Variants in DENND1A observed in about 807,000 individuals in gnomAD.
DENND1A encodes the protein DENN domain-containing protein 1A.
In DENND1A, 51 loss-of-function variants were observed where a neutral mutation model predicts 113.7. That is an observed-to-expected ratio of 0.45 (90% confidence interval 0.36 to 0.57). The LOEUF (loss-of-function observed/expected upper bound fraction) is 0.57. DENND1A is among the 20% of genes least tolerant of loss of function. The pLI, the probability that DENND1A is intolerant of heterozygous loss-of-function variation, is 0.00. For synonymous variants in DENND1A, 565 were observed against 570.8 expected, an observed-to-expected ratio of 0.99 and a Z score of 0.14; for missense variants, 1,258 against 1,395.9, an observed-to-expected ratio of 0.90 and a Z score of 1.57.
chr9:123,447,843 G>A (rs939161212), intron 18 of DENND1A, among the ~76,000 whole-genome samples: 1 of 151,982 alleles, frequency 6.6e-6, no homozygotes, highest in African/African-American at 2.4e-5. Flanking sequence ...GAGGTCAGGT[G>A]CAGCCAAATC....
rs574084684 is a variant in DENND1A at position 123,751,252 on chromosome 9, G to A, written c.302+6451C>T. 2.0e-5 allele frequency: 3 copies of A among 152,310 alleles called. No individual in the cohort carries two copies. In the East Asian group the frequency reaches 5.8e-4, roughly 29 times the overall value. 9.4% of individuals were successfully genotyped at this position (152,310 alleles called of 1,614,324 possible). On this transcript the variant is annotated intron_variant, in intron 5 of 23. Coordinates refer to ENST00000394215, the MANE Select transcript of DENND1A (RefSeq NM_001352964.2). ...GTGAAAATGAATGTAACACAGCTGAGAATGGATGCAATGGTCATTCCAGTC... is the reference window on the plus strand; with the variant it reads ...GTGAAAATGAATGTAACACAGCTGAAAATGGATGCAATGGTCATTCCAGTC...
chr9:123,900,809 T>G (rs542114255), intron 1 of DENND1A, among the ~76,000 whole-genome samples: 1 of 152,222 alleles, frequency 6.6e-6, no homozygotes, highest in African/African-American at 2.4e-5. Context: ...CATTCCACAC[T>G]TGATAGCTCT....
intron 2 of DENND1A, among the ~76,000 whole-genome samples, chr9:123,796,582 G>T (rs1305862609): frequency 6.6e-6 from 1 of 152,126 alleles, no homozygotes; most frequent in Non-Finnish European, 1.5e-5. Flanking sequence ...TTACTGGAAA[G>T]GTGCTATAAA....
At chr9:123,819,589 G>A (rs1838130299) in intron 2 of DENND1A, among the ~76,000 whole-genome samples, 1 of 152,176 alleles carries the variant, frequency 6.6e-6, no homozygotes. Flanking sequence ...AGTGGCTAGA[G>A]TTCAGTGGCA....
intron 2 of DENND1A, among the ~76,000 whole-genome samples, chr9:123,874,200 T>TAAA (rs3050143): frequency 8.2e-4 from 76 of 93,164 alleles, no homozygotes; most frequent in African/African-American, 1.7e-3. Context: ...ATTTAAAAAG[T>TAAA]AAAAAAAAAA....
At chr9:123,887,643 G>C (rs946485587) in intron 1 of DENND1A, among the ~76,000 whole-genome samples, 1 of 151,762 alleles carries the variant, frequency 6.6e-6, no homozygotes, top group Admixed American at 6.6e-5. Flanking sequence ...TTGGGTAGGA[G>C]GAGGCTTCCC....
intron 11 of DENND1A, among the ~76,000 whole-genome samples, chr9:123,586,547 G>A (rs1052362033): frequency 1.3e-5 from 2 of 152,198 alleles, no homozygotes; most frequent in Non-Finnish European, 2.9e-5. Context: ...CTCCAGGCAG[G>A]AGCTGGGACG....
intron 11 of DENND1A, among the ~76,000 whole-genome samples, chr9:123,604,623 T>C (rs2060071763): frequency 6.6e-6 from 1 of 152,208 alleles, no homozygotes; most frequent in South Asian, 2.1e-4. Context: ...TGTAGTATCA[T>C]GGCTGGAGTT....
chr9:123,822,769 T>G (rs566938906), intron 2 of DENND1A, among the ~76,000 whole-genome samples: 26 of 152,260 alleles, frequency 1.7e-4, no homozygotes, highest in Non-Finnish European at 2.6e-4. Context: ...TTATTTTCTC[T>G]GATAATTGCT....
chr9:123,916,898 C>A (rs957300014), intron 1 of DENND1A, among the ~76,000 whole-genome samples: 13 of 151,868 alleles, frequency 8.6e-5, no homozygotes, highest in African/African-American at 2.4e-4. Context: ...ATTATAAAAA[C>A]CTAACTATGG....
chr9:123,641,557 T>C (rs996189519), intron 9 of DENND1A, among the ~76,000 whole-genome samples: 2 of 152,114 alleles, frequency 1.3e-5, no homozygotes, highest in Non-Finnish European at 2.9e-5. Flanking sequence ...TACTCAGCTA[T>C]GGTCCTTTTC....
chr9:123,442,019 T>C lies in DENND1A; in HGVS notation c.1357-1528A>G, dbSNP rs996467751. Among the ~76,000 whole-genome samples, 3 of 152,218 alleles carry C rather than the reference T, an allele frequency of 2.0e-5. No individual in the cohort carries two copies. The South Asian group carries it at 6.2e-4, about 32-fold the overall frequency. ...AGTTTCCTCATCTGTGAAATGGGCA[T>C]ATGGTAGCATGAAGATTAAAGGAGA... On this transcript the variant is annotated intron_variant, in intron 18 of 23. Coordinates refer to ENST00000394215, the MANE Select transcript of DENND1A (RefSeq NM_001352964.2).
chr9:123,823,672 A>C (rs1169258398), intron 2 of DENND1A, among the ~76,000 whole-genome samples: 1 of 152,218 alleles, frequency 6.6e-6, no homozygotes, highest in Non-Finnish European at 1.5e-5. Flanking sequence ...GCAAAATGAA[A>C]TATAAGATTA....
chr9:123,806,088 G>A (rs1835504410), intron 2 of DENND1A, among the ~76,000 whole-genome samples: 1 of 151,812 alleles, frequency 6.6e-6, no homozygotes, highest in South Asian at 2.1e-4. Context: ...CAAGTAGCTG[G>A]GATTACAAGC....
At chr9:123,845,670 C>CAAAAAAAAAAAAAAAAAAAAAAA (rs555731367) in intron 2 of DENND1A, among the ~76,000 whole-genome samples, 6 of 44,092 alleles carry the variant, frequency 1.4e-4, no homozygotes, top group African/African-American at 4.6e-4. Flanking sequence ...AACCTGTCTC[C>CAAAAAAAAAAAAAAAAAAAAAAA]AAAAAAAAAA....
intron 3 of DENND1A, among the ~76,000 whole-genome samples, chr9:123,777,446 G>A (rs1830631905): frequency 6.6e-6 from 1 of 152,216 alleles, no homozygotes; most frequent in African/African-American, 2.4e-5. Flanking sequence ...AACAACTGCA[G>A]CTTCACAGTA....
chr9:123,885,043 T>A (rs528292988), intron 1 of DENND1A, among the ~76,000 whole-genome samples: 9 of 148,556 alleles, frequency 6.1e-5, no homozygotes, highest in South Asian at 2.2e-4. Flanking sequence ...ACTCTCTCTC[T>A]CACACACACA....
chr9:123,614,829 G>C (rs541674385), intron 10 of DENND1A, among the ~76,000 whole-genome samples: 4 of 152,314 alleles, frequency 2.6e-5, no homozygotes, highest in Admixed American at 2.0e-4. Context: ...TAAATACCCT[G>C]ATCAGGCAAA....
chr9:123,604,990 CA>C (rs1215431081), intron 11 of DENND1A, among the ~76,000 whole-genome samples: 1 of 152,106 alleles, frequency 6.6e-6, no homozygotes, highest in African/African-American at 2.4e-5. Flanking sequence ...CCAGTGATCC[CA>C]TAAGGGAGAC....
Sources: gnomAD v4.1 joint callset for allele counts (sites outside exome capture counted in the v4.1 genomes callset) on GRCh38, gnomAD v4.1.1 for gene constraint, MANE v1.5 for transcripts, NCBI Gene and HGNC (gene_info 2026-07-23, HGNC 2026-07-21) for gene names.